The following GRIA4 variants were observed in gnomAD, a reference collection of about 807,000 sequenced individuals.
The protein encoded by GRIA4 is glutamate ionotropic receptor AMPA type subunit 4, also known as glutamate receptor 4.
Under a neutral mutation model 104.0 loss-of-function variants are expected in GRIA4, and 34 were observed. That is an observed-to-expected ratio of 0.33 (90% CI 0.25 to 0.44). The LOEUF (loss-of-function observed/expected upper bound fraction) is 0.44, where lower values mean the gene tolerates loss of function less well. Ranked by LOEUF, GRIA4 falls within the 20% of genes least tolerant of loss-of-function variation. GRIA4 has a pLI of 1.00. For synonymous variants in GRIA4, 386 were observed against 381.9 expected (o/e 1.01, Z -0.13); for missense variants, 750 against 1,096.5 (o/e 0.68, Z 4.46).
intron 3 of GRIA4, among the ~76,000 whole-genome samples, chr11:105,620,670 C>T (rs1950719756): frequency 6.6e-6 from 1 of 151,842 alleles, no homozygotes; most frequent in African/African-American, 2.4e-5. Context: ...AAAACTGTAA[C>T]ACTCCCATTA....
intron 3 of GRIA4, among the ~76,000 whole-genome samples, chr11:105,640,798 A>G (rs955429027): frequency 2.0e-5 from 3 of 151,958 alleles, no homozygotes; most frequent in Non-Finnish European, 4.4e-5. Context: ...ATTGTTATGC[A>G]TTTTAGAATT....
intron 3 of GRIA4, among the ~76,000 whole-genome samples, chr11:105,669,479 T>C (rs1240158446): frequency 6.6e-6 from 1 of 152,136 alleles, no homozygotes; most frequent in Non-Finnish European, 1.5e-5. Context: ...ATCTCCATGC[T>C]AATCTTCCTG....
chr11:105,743,776 C>T (rs1218006082), intron 3 of GRIA4, among the ~76,000 whole-genome samples: 3 of 152,148 alleles, frequency 2.0e-5, no homozygotes, highest in African/African-American at 7.2e-5. Flanking sequence ...CAAGGTGATA[C>T]CACCGCTATC....
intron 3 of GRIA4, among the ~76,000 whole-genome samples, chr11:105,745,110 T>C (rs1172987527): frequency 2.6e-5 from 4 of 152,174 alleles, no homozygotes; most frequent in African/African-American, 9.6e-5. Context: ...GATAAATTTC[T>C]GTAATCTCTC....
chr11:105,716,198 A>T (rs1300458298), intron 3 of GRIA4, among the ~76,000 whole-genome samples: 1 of 152,148 alleles, frequency 6.6e-6, no homozygotes, highest in Admixed American at 6.6e-5. Flanking sequence ...TTTTGGAATG[A>T]ATTGAAGGAT....
chr11:105,920,128 A>G (rs1374062200), intron 11 of GRIA4, among the ~76,000 whole-genome samples: 5 of 152,156 alleles, frequency 3.3e-5, no homozygotes, highest in Non-Finnish European at 7.4e-5. Context: ...CAGAATGAGG[A>G]AATTGTTAGA....
chr11:105,930,194 C>T (rs1290697933), intron 13 of GRIA4, among the ~76,000 whole-genome samples: 1 of 152,060 alleles, frequency 6.6e-6, no homozygotes, highest in East Asian at 1.9e-4. Flanking sequence ...CACTCCTTAG[C>T]AATCACTCTC....
chr11:105,616,325 T>C (rs1378386627), intron 3 of GRIA4, among the ~76,000 whole-genome samples: 1 of 151,714 alleles, frequency 6.6e-6, no homozygotes, highest in Admixed American at 6.6e-5. Context: ...AAAGTTTCTT[T>C]TTTAAGTTAA....
At chr11:105,780,160 G>T (rs946716918) in intron 4 of GRIA4, among the ~76,000 whole-genome samples, 4 of 152,014 alleles carry the variant, frequency 2.6e-5, no homozygotes, top group Non-Finnish European at 4.4e-5. Flanking sequence ...TCATTATTTA[G>T]AATGTACACT....
At position 105,724,282 on chromosome 11, in the gene GRIA4, C is replaced by A. The variant is rs552759703; in HGVS notation, c.248-28699C>A. 2.6e-5 allele frequency among the ~76,000 whole-genome samples: 4 copies of A among 151,724 alleles called. No homozygotes were observed. The South Asian group carries it at 8.3e-4, about 32-fold the overall frequency. On this transcript the variant is annotated intron_variant, in intron 3 of 16. Transcript: ENST00000282499. ...GCAAAGATAGGGACAGAATCAATAA[C>A]CTAAGTGTCCATAAAAGGACAATTA...
chr11:105,689,416 G>T (rs776495215), intron 3 of GRIA4, among the ~76,000 whole-genome samples: 1 of 152,140 alleles, frequency 6.6e-6, no homozygotes, highest in Admixed American at 6.5e-5. Context: ...AGTTGTGTAC[G>T]TTTTTTCTGA....
chr11:105,975,466 T>C (rs543087039), intron 16 of GRIA4, among the ~76,000 whole-genome samples: 2 of 152,140 alleles, frequency 1.3e-5, no homozygotes, highest in East Asian at 3.9e-4. Flanking sequence ...ATATAGGAGT[T>C]GGAGATTTAA....
chr11:105,775,549 A>C (rs944925941), intron 4 of GRIA4, among the ~76,000 whole-genome samples: 1 of 152,192 alleles, frequency 6.6e-6, no homozygotes, highest in Non-Finnish European at 1.5e-5. Flanking sequence ...CAAAATTAAC[A>C]GGCAAATGAC....
chr11:105,892,751 T>C (rs1946502665), intron 6 of GRIA4, among the ~76,000 whole-genome samples: 1 of 152,188 alleles, frequency 6.6e-6, no homozygotes, highest in Non-Finnish European at 1.5e-5. Flanking sequence ...TCTACATGCA[T>C]ATGAAAAGTA....
At chr11:105,661,065 A>T (rs1323472834) in intron 3 of GRIA4, among the ~76,000 whole-genome samples, 1 of 110,156 alleles carries the variant, frequency 9.1e-6, no homozygotes, top group Non-Finnish European at 2.0e-5. Flanking sequence ...AAACGCTAGA[A>T]GCCCTAACAC....
chr11:105,895,636 A>G (rs965976061), intron 6 of GRIA4, among the ~76,000 whole-genome samples: 1 of 151,336 alleles, frequency 6.6e-6, no homozygotes, highest in Non-Finnish European at 1.5e-5. Context: ...GGAGGGAGAG[A>G]GAGAGAGAGA....
chr11:105,813,600 G>A (rs1943260933), intron 4 of GRIA4, among the ~76,000 whole-genome samples: 1 of 152,160 alleles, frequency 6.6e-6, no homozygotes, highest in Non-Finnish European at 1.5e-5. Context: ...TAAGTGGATA[G>A]GTTCTGGAGT....
intron 4 of GRIA4, among the ~76,000 whole-genome samples, chr11:105,859,755 T>C (rs2136013375): frequency 6.6e-6 from 1 of 152,300 alleles, no homozygotes; most frequent in South Asian, 2.1e-4. Flanking sequence ...AGCATTATTC[T>C]GGTATGATGA....
intron 4 of GRIA4, among the ~76,000 whole-genome samples, chr11:105,753,544 A>G (rs2135696753): frequency 6.6e-6 from 1 of 152,284 alleles, no homozygotes; most frequent in African/African-American, 2.4e-5. Flanking sequence ...CTGGTCACCA[A>G]CATGTGTGGA....
Sources: gnomAD v4.1 joint callset for allele counts (sites outside exome capture counted in the v4.1 genomes callset) on GRCh38, gnomAD v4.1.1 for gene constraint, MANE v1.5 for transcripts, NCBI Gene and HGNC (gene_info 2026-07-23, HGNC 2026-07-21) for gene names.